The following FBXO34 variants were observed in gnomAD, a reference collection of about 807,000 sequenced individuals.
The protein encoded by FBXO34 is F-box only protein 34.
FBXO34 carries 12 observed loss-of-function variants against 24.5 expected under a neutral mutation model. That is an observed-to-expected ratio of 0.49 (90% CI 0.31 to 0.79). FBXO34 has a LOEUF of 0.79. Ranked by LOEUF, FBXO34 falls within the 30% of genes least tolerant of loss-of-function variation. The probability of loss-of-function intolerance (pLI) is 0.04; values close to 1 mark genes in which losing one functional copy is unlikely to be tolerated. For synonymous variants in FBXO34, 320 were observed against 311.9 expected, an observed-to-expected ratio of 1.03 and a Z score of -0.27; for missense variants, 823 against 857.7, an observed-to-expected ratio of 0.96 and a Z score of 0.51.
intron 1 of FBXO34, among the ~76,000 whole-genome samples, chr14:55,296,391 G>GTTTTTTTTTTTTTTTTTTTTTT (rs1167344634): frequency 3.9e-4 from 25 of 64,732 alleles, no homozygotes; most frequent in Non-Finnish European, 6.3e-4. Context: ...TGTTTTTTTT[G>GTTTTTTTTTTTTTTTTTTTTTT]TTTTTTTTTT....
chr14:55,393,277 C>G, the FBXO34 span, among the ~76,000 whole-genome samples: 1 of 151,548 alleles, frequency 6.6e-6, no homozygotes, highest in Non-Finnish European at 1.5e-5. Flanking sequence ...CCCAGCTACT[C>G]GGGAGGCTGA....
At chr14:55,393,176 T>C in the FBXO34 span, among the ~76,000 whole-genome samples, 4 of 152,086 alleles carry the variant, frequency 2.6e-5, no homozygotes, top group Middle Eastern at 3.4e-3. Flanking sequence ...GGTCAGGAGA[T>C]TGAGACCATC....
chr14:55,387,896 A>T, the FBXO34 span, among the ~76,000 whole-genome samples: 1 of 152,144 alleles, frequency 6.6e-6, no homozygotes, highest in Non-Finnish European at 1.5e-5. Flanking sequence ...CCTGACCTCA[A>T]TGTGATCCGC....
At chr14:55,318,930 T>C (rs1002703744) in intron 1 of FBXO34, among the ~76,000 whole-genome samples, 7 of 152,138 alleles carry the variant, frequency 4.6e-5, no homozygotes, top group African/African-American at 1.7e-4. Flanking sequence ...TGGGATTTCA[T>C]GTTATTGAGT....
intron 1 of FBXO34, among the ~76,000 whole-genome samples, chr14:55,336,991 T>C (rs1883806276): frequency 6.6e-6 from 1 of 151,116 alleles, no homozygotes; most frequent in Middle Eastern, 3.2e-3. Context: ...TTTTTTTTTT[T>C]TTTTGAGACA....
the FBXO34 span, among the ~76,000 whole-genome samples, chr14:55,402,495 A>C: frequency 6.6e-6 from 1 of 152,220 alleles, no homozygotes; most frequent in Non-Finnish European, 1.5e-5. Context: ...ATCAGTCCTA[A>C]TAGCAAGAAA....
At chr14:55,374,839 T>C (rs1051596177), downstream of FBXO34, among the ~76,000 whole-genome samples, 2 of 152,216 alleles carry the variant, frequency 1.3e-5, no homozygotes, top group Admixed American at 1.3e-4. Context: ...GTTTCGGGAC[T>C]ATTTTCTTCC....
chr14:55,438,073 C>G, the FBXO34 span, among the ~76,000 whole-genome samples: 1 of 152,204 alleles, frequency 6.6e-6, no homozygotes, highest in African/African-American at 2.4e-5. Context: ...AAATGCATTA[C>G]CACCTGCTTC....
the FBXO34 span, among the ~76,000 whole-genome samples, chr14:55,403,420 T>C: frequency 6.6e-6 from 1 of 152,166 alleles, no homozygotes; most frequent in Non-Finnish European, 1.5e-5. Context: ...AAATGTATAC[T>C]ACAGTTCCTT....
At chr14:55,408,779 T>A in the FBXO34 span, among the ~76,000 whole-genome samples, 23 of 151,992 alleles carry the variant, frequency 1.5e-4, no homozygotes, top group South Asian at 4.2e-4. Context: ...TCAAAAAAAA[T>A]AAAATAAAAT....
the FBXO34 span, among the ~76,000 whole-genome samples, chr14:55,393,548 A>ATTTTTT: frequency 1.4e-5 from 2 of 142,902 alleles, no homozygotes; most frequent in Admixed American, 1.4e-4. Context: ...ATCTTTTCAG[A>ATTTTTT]TTTTTTTTTT....
the FBXO34 span, among the ~76,000 whole-genome samples, chr14:55,375,552 C>G: frequency 6.8e-6 from 1 of 147,972 alleles, no homozygotes; most frequent in Non-Finnish European, 1.5e-5. Context: ...CTATGTTGCC[C>G]AGGCTGGTCT....
the FBXO34 span, among the ~76,000 whole-genome samples, chr14:55,439,617 C>CCCCCCCCCGG: frequency 1.4e-5 from 1 of 72,628 alleles, no homozygotes. Flanking sequence ...AAAGCAAACC[C>CCCCCCCCCGG]CCCCCCGTCT....
chr14:55,401,818 C>A, the FBXO34 span, among the ~76,000 whole-genome samples: 1 of 152,164 alleles, frequency 6.6e-6, no homozygotes, highest in Admixed American at 6.5e-5. Flanking sequence ...AGGAGCGCTG[C>A]CTGTCCAAGC....
At chr14:55,378,139 AT>A in the FBXO34 span, 1 of 1,404,764 alleles carries the variant, frequency 7.1e-7, no homozygotes, top group Non-Finnish European at 1.0e-6. Context: ...TAAAATTTCC[AT>A]TTACAGTACA....
the FBXO34 span, among the ~76,000 whole-genome samples, chr14:55,441,647 C>T: frequency 3.4e-4 from 52 of 152,268 alleles, no homozygotes; most frequent in East Asian, 8.9e-3. Flanking sequence ...GGAAATCTCA[C>T]GAAAATAACG....
At chr14:55,419,675 G>C in the FBXO34 span, among the ~76,000 whole-genome samples, 1 of 152,210 alleles carries the variant, frequency 6.6e-6, no homozygotes, top group Non-Finnish European at 1.5e-5. Context: ...GGCTGTAGCT[G>C]TGGCAACTCA....
the FBXO34 span, chr14:55,385,789 G>A: frequency 7.8e-7 from 1 of 1,278,756 alleles, no homozygotes; most frequent in African/African-American, 1.5e-5. Context: ...AATAAATAAG[G>A]TAATGACATA....
the FBXO34 span, among the ~76,000 whole-genome samples, chr14:55,405,990 A>G: frequency 6.6e-6 from 1 of 152,166 alleles, no homozygotes; most frequent in Admixed American, 6.5e-5. Flanking sequence ...GTGGGTGAGG[A>G]TACCAAAGTT....
Sources: allele counts gnomAD v4.1 joint callset (sites outside exome capture counted in the v4.1 genomes callset), GRCh38; gene constraint gnomAD v4.1.1; transcripts MANE v1.5; gene names NCBI Gene and HGNC (gene_info 2026-07-23, HGNC 2026-07-21).